NCAPD2: variants seen among roughly 807,000 people sequenced by gnomAD.
NCAPD2 encodes the protein non-SMC condensin I complex subunit D2.
In NCAPD2, 100 loss-of-function variants were observed where a neutral mutation model predicts 164.5. That is an observed-to-expected ratio of 0.61 (90% CI 0.52 to 0.72). The LOEUF is 0.72. NCAPD2 is among the 30% of genes least tolerant of loss of function. The pLI is 0.00. For synonymous variants in NCAPD2, 585 were observed against 642.6 expected (o/e 0.91, Z 1.36); for missense variants, 1,560 against 1,749.2 (o/e 0.89, Z 1.93).
At chr12:6,520,092 A>C (rs1282078257) in intron 13 of NCAPD2, among the ~76,000 whole-genome samples, 1 of 151,774 alleles carries the variant, frequency 6.6e-6, no homozygotes. Flanking sequence ...GAGGCATGAG[A>C]ATCACTCAAA....
chr12:6,513,309 G>T (rs1473875724), intron 6 of NCAPD2, among the ~76,000 whole-genome samples: 1 of 152,184 alleles, frequency 6.6e-6, no homozygotes, highest in Non-Finnish European at 1.5e-5. Context: ...GGGAGGCTGA[G>T]GCAGGAGGAT....
intron 22 of NCAPD2, among the ~76,000 whole-genome samples, chr12:6,527,362 C>T (rs1402950765): frequency 6.6e-6 from 1 of 152,216 alleles, no homozygotes; most frequent in East Asian, 1.9e-4. Context: ...CGGCCTTTTC[C>T]ATCAGCTTCC....
intron 13 of NCAPD2, 73 bp downstream of exon 13, chr12:6,518,032 GTGTCT>G: frequency 6.9e-7 from 1 of 1,452,578 alleles, no homozygotes; most frequent in South Asian, 1.2e-5. Context: ...CTTACATAAT[GTGTCT>G]TTTAAATTAA....
intron 18 of NCAPD2, 142 bp from the exon 19 acceptor site, chr12:6,525,926 C>T: frequency 8.0e-7 from 1 of 1,256,374 alleles, no homozygotes; most frequent in Non-Finnish European, 1.1e-6. Flanking sequence ...ACCCAAGAGG[C>T]TGGCCCTGCG....
chr12:6,511,016 T>A (rs1946141550), intron 5 of NCAPD2, 94 bp from the exon 6 acceptor site: 1 of 1,405,240 alleles, frequency 7.1e-7, no homozygotes, highest in Non-Finnish European at 9.8e-7. Context: ...TTCTATGTTG[T>A]CTTGGTACTA....
chr12:6,518,509 T>TTTTTTTTTTTG (rs1565544125), intron 13 of NCAPD2, among the ~76,000 whole-genome samples: 4 of 95,638 alleles, frequency 4.2e-5, no homozygotes, highest in African/African-American at 1.9e-4. Flanking sequence ...AACAAGTTTT[T>TTTTTTTTTTTG]TTTTTTTTTT....
At chr12:6,497,702 C>T (rs1335783416) in intron 2 of NCAPD2, among the ~76,000 whole-genome samples, 1 of 152,058 alleles carries the variant, frequency 6.6e-6, no homozygotes, top group Non-Finnish European at 1.5e-5. Context: ...TCACTGCAGC[C>T]TCCGCCTCCC....
intron 6 of NCAPD2, among the ~76,000 whole-genome samples, chr12:6,512,295 A>G (rs1056921888): frequency 1.4e-5 from 2 of 143,352 alleles, no homozygotes; most frequent in African/African-American, 5.2e-5. Flanking sequence ...AAAAAAAAAG[A>G]TAGATAGATA....
At chr12:6,495,859 A>G (rs1269157989) in intron 2 of NCAPD2, among the ~76,000 whole-genome samples, 1 of 152,032 alleles carries the variant, frequency 6.6e-6, no homozygotes, top group African/African-American at 2.4e-5. Flanking sequence ...TGGTTCTACC[A>G]CTCTGACCTT....
chr12:6,496,681 T>TC (rs1171625711), intron 2 of NCAPD2, among the ~76,000 whole-genome samples: 1 of 150,080 alleles, frequency 6.7e-6, no homozygotes, highest in Non-Finnish European at 1.5e-5. Context: ...CGCCTCAGCC[T>TC]CCCAAAGTGC....
chr12:6,503,168 A>G (rs558839105), intron 2 of NCAPD2, among the ~76,000 whole-genome samples: 1 of 152,086 alleles, frequency 6.6e-6, no homozygotes, highest in African/African-American at 2.4e-5. Context: ...AAAGGTTTCT[A>G]ATACACTTAC....
chr12:6,504,774 A>G (rs1946083497), intron 2 of NCAPD2, among the ~76,000 whole-genome samples: 1 of 152,212 alleles, frequency 6.6e-6, no homozygotes, highest in Non-Finnish European at 1.5e-5. Flanking sequence ...TAAGAAAATC[A>G]TAAGGAAAAT....
chr12:6,517,378 C>G lies in NCAPD2; in HGVS notation c.1199C>G (p.Thr400Arg), dbSNP rs968525819. 1 of 1,614,114 alleles carries G rather than the reference C, an allele frequency of 6.2e-7. No homozygotes were observed. Among genetic ancestry groups the G allele is most frequent in the Non-Finnish European group, 8.5e-7 (1 of 1,179,990 alleles). The change falls in exon 11 of 32, where the codon ACA (threonine) becomes AGA (arginine). Residue 400 changes from threonine to arginine, a missense_variant. Transcript: ENST00000315579. Reference sequence around the variant, plus strand: ...TACCCTACACAGGCTCTCCCCCTGACACGTTTCCAGGCAGTGGTGGCTTTA... The same window carrying G: ...TACCCTACACAGGCTCTCCCCCTGAGACGTTTCCAGGCAGTGGTGGCTTTA... The part of the protein sequence containing the change: ...RIVQQKALPL[T>R]RFQAVVALAV...
At position 6,528,137 on chromosome 12, in the gene NCAPD2, A is replaced by C. The variant is rs1946333287; in HGVS notation, c.3144-36A>C. On this transcript the variant is annotated intron_variant, in intron 24 of 31. Transcript: ENST00000315579. This position sits in a 1 kb window ranked among gnomAD's most constrained non-coding sequence, Gnocchi z 5.1. ...CCCCTTCTCAAGGAAGATGGGGATG[A>C]AATGGCTTCCCTAATGATCCTCTTC... 7.4e-6 allele frequency: 12 copies of C among 1,614,238 alleles called. No individual in the cohort carries two copies. The highest frequency in any genetic ancestry group is 1.0e-5 in the Non-Finnish European group (12 of 1,180,038).
chr12:6,527,768 T>A lies in NCAPD2; in HGVS notation c.2908-9T>A. 1 of 1,601,440 alleles carries A rather than the reference T, an allele frequency of 6.2e-7. No homozygotes were observed. On this transcript the variant is annotated splice_polypyrimidine_tract_variant and intron_variant, in intron 22 of 31. Coordinates refer to ENST00000315579, the MANE Select transcript of NCAPD2 (RefSeq NM_014865.4). ...GCTTATCCATGATCCCCAATTTCAT[T>A]CCCTTTAGAATACGAGCTCTGAGAC...
Position 6,530,786 on chromosome 12 carries a change from G to A in NCAPD2, c.3933G>A (p.Gln1311=), listed in dbSNP as rs1392757852. Residue 1311 remains glutamine, a synonymous_variant, in exon 30 of 32, where the codon CAG becomes CAA. Coordinates refer to ENST00000315579, the MANE Select transcript of NCAPD2 (RefSeq NM_014865.4). ...TTGAGATTGGCCAAGCAGGTAGCCA[G>A]AGAGCGCCATCAGCCAAGAAACCAT... ...KELEIGQAGS[Q]RAPSAKKPST... The A allele has an allele frequency of 6.2e-7, 1 of 1,614,104 alleles. No individual in the cohort carries two copies.
intron 6 of NCAPD2, 44 bp downstream of exon 6, chr12:6,511,296 T>G (rs199782862): frequency 6.9e-5 from 110 of 1,590,598 alleles, no homozygotes; most frequent in Non-Finnish European, 7.7e-6. Context: ...GCTGTGAGAG[T>G]GAGGCTCTGT....
intron 14 of NCAPD2, 81 bp downstream of exon 14, chr12:6,521,191 C>A: frequency 6.5e-7 from 1 of 1,529,950 alleles, no homozygotes; most frequent in Admixed American, 1.8e-5. Flanking sequence ...CCATCATTGG[C>A]CTGGTTAACA....
rs768494346 is a variant in NCAPD2, at chr12:6,525,730, C to A, written c.2348+14C>A. 6.2e-7 allele frequency: 1 copy of A among 1,611,810 alleles called. No homozygotes were observed. The highest frequency in any genetic ancestry group is 2.2e-5 in the East Asian group (1 of 44,826). On this transcript the variant is annotated intron_variant, in intron 18 of 31. Coordinates refer to ENST00000315579, the MANE Select transcript of NCAPD2 (RefSeq NM_014865.4). ...CATGATGGCACGGTGAGGCTCAAAT[C>A]TAGCAGGCAATGGGGTGGGAGAGCA...
Sources: gnomAD v4.1 joint callset for allele counts (sites outside exome capture counted in the v4.1 genomes callset) on GRCh38, gnomAD v4.1.1 for gene constraint, Gnocchi (gnomAD v3.1) non-coding constraint, MANE v1.5 for transcripts, NCBI Gene and HGNC (gene_info 2026-07-23, HGNC 2026-07-21) for gene names.